PRKCH: variants seen among roughly 807,000 people sequenced by gnomAD.
PRKCH encodes the protein protein kinase C eta.
In PRKCH, 28 loss-of-function variants were observed where a neutral mutation model predicts 82.5. That is an observed-to-expected ratio of 0.34 (90% CI 0.25 to 0.47). The LOEUF is 0.47. PRKCH is among the 20% of genes least tolerant of loss of function. PRKCH has a pLI of 1.00. For missense variants in PRKCH, 705 were observed against 881.8 expected, an observed-to-expected ratio of 0.80 and a Z score of 2.54; for synonymous variants, 322 against 327.4, an observed-to-expected ratio of 0.98 and a Z score of 0.18.
intron 2 of PRKCH, among the ~76,000 whole-genome samples, chr14:61,409,587 G>C (rs1265109120): frequency 6.6e-6 from 1 of 150,528 alleles, no homozygotes; most frequent in Non-Finnish European, 1.5e-5. Context: ...TGTATTCCCA[G>C]TTACTTGGGA....
intron 1 of PRKCH, among the ~76,000 whole-genome samples, chr14:61,348,964 T>C (rs1471082975): frequency 6.6e-6 from 1 of 152,270 alleles, no homozygotes; most frequent in African/African-American, 2.4e-5. Context: ...GTTTGTTGCC[T>C]GAATGACACA....
intron 12 of PRKCH, among the ~76,000 whole-genome samples, chr14:61,536,599 A>T (rs1000877588): frequency 6.6e-6 from 1 of 152,144 alleles, no homozygotes; most frequent in Admixed American, 6.5e-5. Context: ...AATGAAAGGT[A>T]TTATTATTAT....
chr14:61,488,151 C>CA (rs33973552), intron 10 of PRKCH, among the ~76,000 whole-genome samples: 3 of 140,730 alleles, frequency 2.1e-5, no homozygotes, highest in Admixed American at 7.0e-5. Context: ...GACTCCGTCT[C>CA]AAAAAAAAAA....
chr14:61,496,127 G>A (rs1187826245), intron 10 of PRKCH, among the ~76,000 whole-genome samples: 5 of 152,204 alleles, frequency 3.3e-5, no homozygotes, highest in African/African-American at 7.2e-5. Flanking sequence ...CGGGCGTCAT[G>A]GGCGTCGAGG....
At chr14:61,260,034 C>T (rs2045032488) in intron 1 of PRKCH, among the ~76,000 whole-genome samples, 1 of 152,146 alleles carries the variant, frequency 6.6e-6, no homozygotes. Flanking sequence ...AGACCAGTAT[C>T]CTGGAAGTGA....
At chr14:61,475,764 A>C (rs1885703230) in intron 9 of PRKCH, among the ~76,000 whole-genome samples, 1 of 152,246 alleles carries the variant, frequency 6.6e-6, no homozygotes, top group Non-Finnish European at 1.5e-5. Flanking sequence ...CTGTTTTTAA[A>C]ACATGCTATA....
chr14:61,350,761 C>T (rs1286496272), intron 1 of PRKCH, among the ~76,000 whole-genome samples: 5 of 152,174 alleles, frequency 3.3e-5, no homozygotes, highest in Admixed American at 1.3e-4. Context: ...CCTTAAAAGG[C>T]CTTCTCTTAG....
At chr14:61,423,622 A>T (rs940286646) in intron 2 of PRKCH, among the ~76,000 whole-genome samples, 2 of 152,158 alleles carry the variant, frequency 1.3e-5, no homozygotes, top group Non-Finnish European at 2.9e-5. Flanking sequence ...GAGATGGGCT[A>T]TGAATGGTGA....
rs1484253589 is a variant in PRKCH at position 61,464,375 on chromosome 14, G to T, written c.1278+6696G>T. On this transcript the variant is annotated intron_variant, in intron 9 of 13. Transcript: ENST00000332981. ...CCATTTGTGTGTGTGGTTTTGTTTT[G>T]TTTTTTTTTTTACTTTTCATTTATT... 1.2e-3 allele frequency among the ~76,000 whole-genome samples: 170 copies of T among 137,340 alleles called. 1 individual carries two copies. The highest frequency in any genetic ancestry group is 8.2e-3 in the South Asian group (37 of 4,496). 90.1% of individuals were successfully genotyped at this position (137,340 alleles called of 152,430 possible).
chr14:61,190,010 C>T (rs1366165416), intron 1 of PRKCH, among the ~76,000 whole-genome samples: 1 of 152,126 alleles, frequency 6.6e-6, no homozygotes, highest in Non-Finnish European at 1.5e-5. Context: ...ATTTCATCTT[C>T]ATCAATTGCT....
intron 1 of PRKCH, among the ~76,000 whole-genome samples, chr14:61,248,205 G>C (rs1254217207): frequency 6.6e-6 from 1 of 152,054 alleles, no homozygotes; most frequent in Non-Finnish European, 1.5e-5. Flanking sequence ...CTCCTGTCCT[G>C]GTGGGTTGAC....
intron 13 of PRKCH, among the ~76,000 whole-genome samples, chr14:61,548,667 C>G: frequency 6.6e-6 from 1 of 151,502 alleles, no homozygotes; most frequent in South Asian, 2.1e-4. Flanking sequence ...TGAGACTAGC[C>G]TGGCCAACAT....
chr14:61,367,920 T>C (rs1279739931), intron 1 of PRKCH, among the ~76,000 whole-genome samples: 1 of 151,842 alleles, frequency 6.6e-6, no homozygotes, highest in Admixed American at 6.6e-5. Flanking sequence ...TTCACCTTGC[T>C]AACCAGGATG....
At chr14:61,289,580 G>T (rs560375762) in intron 1 of PRKCH, among the ~76,000 whole-genome samples, 10 of 152,296 alleles carry the variant, frequency 6.6e-5, no homozygotes, top group Non-Finnish European at 8.8e-5. Flanking sequence ...GGTGGCATGT[G>T]CCTGTGGTCT....
chr14:61,532,467 G>C (rs1277993966), intron 12 of PRKCH, among the ~76,000 whole-genome samples: 1 of 152,144 alleles, frequency 6.6e-6, no homozygotes, highest in Non-Finnish European at 1.5e-5. Flanking sequence ...ATCACCATTT[G>C]AGTTGGACAT....
chr14:61,518,604 T>G (rs1054915271), intron 10 of PRKCH, among the ~76,000 whole-genome samples: 13 of 152,150 alleles, frequency 8.5e-5, no homozygotes, highest in Admixed American at 5.2e-4. Flanking sequence ...TGGGGTTTTT[T>G]GGGTATTTTT....
intron 10 of PRKCH, 147 bp downstream of exon 10, chr14:61,485,803 A>T: frequency 2.7e-6 from 3 of 1,118,448 alleles, no homozygotes; most frequent in Non-Finnish European, 3.8e-6. Flanking sequence ...TGTTTTTGAG[A>T]CAGGGTCTCA....
At chr14:61,272,838 G>A (rs1453270079) in intron 1 of PRKCH, among the ~76,000 whole-genome samples, 1 of 152,120 alleles carries the variant, frequency 6.6e-6, no homozygotes, top group Non-Finnish European at 1.5e-5. Flanking sequence ...ACTATCAGAG[G>A]TGCAGGGAGG....
Position 61,471,269 on chromosome 14 carries a change from G to A in PRKCH, c.1278+13590G>A, listed in dbSNP as rs138683442. On this transcript the variant is annotated intron_variant, in intron 9 of 13. Transcript: ENST00000332981. ...ACCTGATAGGACTTTTTAAAGAGGA[G>A]TGGCCAGGGTTCTGGCCGGTTTGAA... 4.5e-4 allele frequency among the ~76,000 whole-genome samples: 68 copies of A among 152,178 alleles called. 1 individual carries two copies. Among genetic ancestry groups the A allele is most frequent in the African/African-American group, 1.6e-3 (66 of 41,506 alleles).
Sources: allele counts gnomAD v4.1 joint callset (sites outside exome capture counted in the v4.1 genomes callset), GRCh38; gene constraint gnomAD v4.1.1; transcripts MANE v1.5; gene names NCBI Gene and HGNC (gene_info 2026-07-23, HGNC 2026-07-21).